The following ANO10 variants were observed in gnomAD, a reference collection of about 807,000 sequenced individuals.
The protein encoded by ANO10 is anoctamin 10.
A neutral mutation model predicts 74.7 loss-of-function variants in ANO10; 77 were observed. The ratio of observed to expected loss-of-function variants is 1.03; its 90% CI spans 0.86 to 1.25. The LOEUF is 1.25. ANO10 is among the 50% of genes most tolerant of loss of function. The pLI, the probability that ANO10 is intolerant of heterozygous loss-of-function variation, is 0.00. For synonymous variants in ANO10, 279 were observed against 284.9 expected (o/e 0.98, Z 0.21); for missense variants, 721 against 778.1 (o/e 0.93, Z 0.87).
At chr3:43,611,492 T>C (rs972493386) in intron 1 of ANO10, among the ~76,000 whole-genome samples, 3 of 152,316 alleles carry the variant, frequency 2.0e-5, no homozygotes, top group African/African-American at 4.8e-5. Context: ...ACTATTAGAA[T>C]TGATTAAGAG....
At chr3:43,389,681 G>A (rs1203248723) in intron 12 of ANO10, among the ~76,000 whole-genome samples, 9 of 152,148 alleles carry the variant, frequency 5.9e-5, no homozygotes, top group Admixed American at 5.9e-4. Context: ...ATGTAAACCT[G>A]ATTAAAAGGG....
chr3:43,423,518 T>C (rs1483974116), intron 12 of ANO10, among the ~76,000 whole-genome samples: 2 of 152,000 alleles, frequency 1.3e-5, no homozygotes, highest in East Asian at 1.9e-4. Context: ...TGAACAGAAA[T>C]GGGCACCAGG....
chr3:43,367,876 C>T (rs566718179), intron 12 of ANO10, among the ~76,000 whole-genome samples: 5 of 152,224 alleles, frequency 3.3e-5, no homozygotes, highest in East Asian at 1.9e-4. Context: ...AAACTCTGAG[C>T]GCAAACATGG....
chr3:43,655,632 T>A (rs1413540336), intron 1 of ANO10, among the ~76,000 whole-genome samples: 3 of 151,978 alleles, frequency 2.0e-5, no homozygotes, highest in Non-Finnish European at 4.4e-5. Context: ...GAGCTAGACA[T>A]AAAGGTTCTC....
intron 8 of ANO10, among the ~76,000 whole-genome samples, chr3:43,565,036 G>A (rs2080243401): frequency 6.6e-6 from 1 of 152,106 alleles, no homozygotes; most frequent in African/African-American, 2.4e-5. Flanking sequence ...TTTAACAAGT[G>A]GAGTCTAGCC....
At chr3:43,421,838 CAA>C (rs201751592) in intron 12 of ANO10, among the ~76,000 whole-genome samples, 2 of 25,942 alleles carry the variant, frequency 7.7e-5, no homozygotes, top group Non-Finnish European at 1.9e-4. Context: ...ACCATGTCTC[CAA>C]AAAAAAAAGT....
chr3:43,660,766 C>T (rs924695691), intron 1 of ANO10, among the ~76,000 whole-genome samples: 5 of 152,148 alleles, frequency 3.3e-5, no homozygotes, highest in Non-Finnish European at 7.3e-5. Context: ...ACCTGCCTGA[C>T]CAACATGGAG....
At chr3:43,516,172 G>C (rs1310963149) in intron 11 of ANO10, among the ~76,000 whole-genome samples, 1 of 152,168 alleles carries the variant, frequency 6.6e-6, no homozygotes, top group Admixed American at 6.5e-5. Flanking sequence ...CTAGGGGAGA[G>C]TGAATACACA....
At chr3:43,638,677 G>A (rs2083638130) in intron 1 of ANO10, 1 of 152,274 alleles carries the variant, frequency 6.6e-6, no homozygotes, top group African/African-American at 2.4e-5. Flanking sequence ...TTACACACCT[G>A]CTGTACAGCG....
intron 7 of ANO10, 58 bp from the exon 8 acceptor site, chr3:43,565,785 T>G: frequency 1.3e-6 from 2 of 1,500,620 alleles, no homozygotes; most frequent in South Asian, 1.2e-5. Context: ...AGTACTTTAC[T>G]ACAACTGTAA....
intron 1 of ANO10, among the ~76,000 whole-genome samples, chr3:43,688,060 CCA>C (rs1392697350): frequency 6.6e-6 from 1 of 152,124 alleles, no homozygotes; most frequent in Non-Finnish European, 1.5e-5. Flanking sequence ...AGAGCTACTC[CCA>C]GAGTTGAGGA....
At chr3:43,471,015 T>C (rs930937805) in intron 11 of ANO10, among the ~76,000 whole-genome samples, 4 of 152,192 alleles carry the variant, frequency 2.6e-5, no homozygotes, top group African/African-American at 9.7e-5. Context: ...ATAAATTACA[T>C]TGTAAATCAA....
At chr3:43,501,773 A>T (rs2077108584) in intron 11 of ANO10, among the ~76,000 whole-genome samples, 1 of 152,220 alleles carries the variant, frequency 6.6e-6, no homozygotes, top group Non-Finnish European at 1.5e-5. Flanking sequence ...TGGTGGAAAG[A>T]AATGTGGTGG....
chr3:43,369,500 G>A (rs2091529595), intron 12 of ANO10, among the ~76,000 whole-genome samples: 2 of 152,244 alleles, frequency 1.3e-5, no homozygotes, highest in Non-Finnish European at 2.9e-5. Context: ...AGCCATGAAT[G>A]ACCAAGCCTC....
chr3:43,665,391 G>T (rs1346976362), intron 1 of ANO10, among the ~76,000 whole-genome samples: 1 of 152,106 alleles, frequency 6.6e-6, no homozygotes, highest in Non-Finnish European at 1.5e-5. Context: ...GCGGTTAAGG[G>T]AGGGATAACA....
intron 11 of ANO10, among the ~76,000 whole-genome samples, chr3:43,443,584 C>G (rs545972383): frequency 2.7e-5 from 4 of 149,686 alleles, no homozygotes; most frequent in Non-Finnish European, 4.4e-5. Flanking sequence ...AAGAAGTATA[C>G]AGGGAAAAAA....
intron 12 of ANO10, chr3:43,424,752 C>G (rs1271758885): frequency 6.6e-6 from 1 of 152,218 alleles, no homozygotes; most frequent in Non-Finnish European, 1.5e-5. Flanking sequence ...AATAAAACTG[C>G]TCTCATGTTC....
chr3:43,381,116 C>T (rs1470226371), intron 12 of ANO10, among the ~76,000 whole-genome samples: 2 of 152,122 alleles, frequency 1.3e-5, no homozygotes, highest in Non-Finnish European at 2.9e-5. Flanking sequence ...TAACCGCCCC[C>T]ATGATTAAAA....
chr3:43,628,632 G>A (rs1050575052), intron 1 of ANO10, among the ~76,000 whole-genome samples: 1 of 152,158 alleles, frequency 6.6e-6, no homozygotes, highest in Non-Finnish European at 1.5e-5. Context: ...GCAAATGGAA[G>A]AAATATCCCT....
Sources: allele counts gnomAD v4.1 joint callset (sites outside exome capture counted in the v4.1 genomes callset), GRCh38; gene constraint gnomAD v4.1.1; transcripts MANE v1.5; gene names NCBI Gene and HGNC (gene_info 2026-07-23, HGNC 2026-07-21).